Variants in NCALD observed in about 807,000 individuals in gnomAD.
NCALD encodes the protein neurocalcin delta.
Under a neutral mutation model 18.6 loss-of-function variants are expected in NCALD, and 10 were observed. The observed-to-expected ratio is 0.54, with a 90% CI of 0.33 to 0.91. The LOEUF (loss-of-function observed/expected upper bound fraction) is 0.91. NCALD is among the 40% of genes least tolerant of loss of function. The pLI, the probability that NCALD is intolerant of heterozygous loss-of-function variation, is 0.03. For synonymous variants in NCALD, 88 were observed against 87.4 expected (o/e 1.01, Z -0.04); for missense variants, 184 against 247.6 (o/e 0.74, Z 1.72).
chr8:102,053,618 A>G (rs1369483226), intron 1 of NCALD, among the ~76,000 whole-genome samples: 1 of 152,222 alleles, frequency 6.6e-6, no homozygotes, highest in African/African-American at 2.4e-5. Context: ...ATTCAGCTCC[A>G]AAGCTGGCAA....
intron 2 of NCALD, among the ~76,000 whole-genome samples, chr8:101,941,931 C>A (rs1586795031): frequency 1.3e-5 from 2 of 152,196 alleles, no homozygotes; most frequent in East Asian, 3.9e-4. Context: ...TTTTCTTTTT[C>A]TTTTTTCCCC....
At chr8:101,882,980 T>A (rs1774350336) in intron 4 of NCALD, among the ~76,000 whole-genome samples, 1 of 152,266 alleles carries the variant, frequency 6.6e-6, no homozygotes. Flanking sequence ...CTTAAATATG[T>A]ACATTGATTC....
At chr8:101,696,091 C>A (rs1219223476) in intron 2 of NCALD, among the ~76,000 whole-genome samples, 1 of 152,114 alleles carries the variant, frequency 6.6e-6, no homozygotes, top group African/African-American at 2.4e-5. Context: ...CATGCAAACC[C>A]ACCCACCATT....
At chr8:102,113,787 T>G (rs1825703796) in intron 1 of NCALD, among the ~76,000 whole-genome samples, 3 of 152,270 alleles carry the variant, frequency 2.0e-5, no homozygotes, top group Non-Finnish European at 4.4e-5. Flanking sequence ...CCAGTTATGA[T>G]GTGCTACCTA....
At chr8:101,861,596 T>C (rs1815545274) in intron 4 of NCALD, among the ~76,000 whole-genome samples, 1 of 151,796 alleles carries the variant, frequency 6.6e-6, no homozygotes, top group Non-Finnish European at 1.5e-5. Flanking sequence ...ACAAGTGCCC[T>C]ACCTCAAGAA....
chr8:101,757,878 AG>A lies in NCALD; in HGVS notation c.-20+32983del, dbSNP rs141200706. 1.8e-3 allele frequency among the ~76,000 whole-genome samples: 278 copies of A among 152,200 alleles called. 6 individuals carry two copies. In the East Asian group the frequency reaches 0.049, roughly 27 times the overall value. On this transcript the variant is annotated intron_variant, in intron 1 of 3. Coordinates refer to ENST00000220931, the MANE Select transcript of NCALD (RefSeq NM_032041.3). ...TCATTTCCTAACCCAACCATCAGAG[AG>A]GCTATTTTAACAATTTTTTTAGAGC...
intron 4 of NCALD, among the ~76,000 whole-genome samples, chr8:101,824,978 T>A (rs904650279): frequency 2.6e-5 from 4 of 152,218 alleles, no homozygotes; most frequent in Non-Finnish European, 5.9e-5. Flanking sequence ...GGGAATCTTT[T>A]CCATGAGGCA....
At chr8:102,019,853 T>C (rs1822213031) in intron 2 of NCALD, among the ~76,000 whole-genome samples, 1 of 152,176 alleles carries the variant, frequency 6.6e-6, no homozygotes, top group African/African-American at 2.4e-5. Context: ...GAAAAGCATT[T>C]AATAAAATTC....
chr8:101,819,229 C>T (rs1813619417), intron 4 of NCALD, among the ~76,000 whole-genome samples: 4 of 151,506 alleles, frequency 2.6e-5, no homozygotes, highest in Admixed American at 1.3e-4. Context: ...GTCAGCACTA[C>T]ATCACATATA....
intron 1 of NCALD, among the ~76,000 whole-genome samples, chr8:101,752,061 T>C (rs1012392512): frequency 5.9e-5 from 9 of 152,224 alleles, no homozygotes; most frequent in African/African-American, 2.2e-4. Context: ...AAGTTTCCGA[T>C]TTTATTATGC....
chr8:101,784,027 C>G (rs888352207), intron 1 of NCALD, among the ~76,000 whole-genome samples: 1 of 152,152 alleles, frequency 6.6e-6, no homozygotes, highest in Non-Finnish European at 1.5e-5. Context: ...ATTACCCCCC[C>G]ACACCCCAAA....
At chr8:102,045,877 T>C (rs534267080) in intron 1 of NCALD, among the ~76,000 whole-genome samples, 2 of 152,360 alleles carry the variant, frequency 1.3e-5, no homozygotes, top group South Asian at 4.1e-4. Context: ...TTGCATCGCT[T>C]CTGCCAACCA....
At chr8:101,932,647 AATC>A (rs1314534087) in intron 2 of NCALD, among the ~76,000 whole-genome samples, 2 of 152,198 alleles carry the variant, frequency 1.3e-5, no homozygotes, top group Non-Finnish European at 2.9e-5. Context: ...AGCAAGGTCT[AATC>A]ATTCTTCTCT....
intron 3 of NCALD, among the ~76,000 whole-genome samples, chr8:101,908,463 C>T (rs930777771): frequency 2.6e-5 from 4 of 152,180 alleles, no homozygotes; most frequent in African/African-American, 9.7e-5. Context: ...TGGAGAACCA[C>T]AAACCACAAT....
intron 1 of NCALD, among the ~76,000 whole-genome samples, chr8:102,082,205 C>T (rs1407222474): frequency 5.0e-5 from 7 of 139,228 alleles, no homozygotes; most frequent in Admixed American, 3.6e-4. Flanking sequence ...TTTCAATGGG[C>T]AGTTATTTGA....
In NCALD at chr8:101,742,432, G is replaced by A. The variant is rs2130706519; in HGVS notation, c.-19-22784C>T. Among the ~76,000 whole-genome samples, 3 of 152,238 alleles carry A rather than the reference G, an allele frequency of 2.0e-5. No individual in the cohort carries two copies. The South Asian group carries it at 6.2e-4, about 32-fold the overall frequency. The stretch of plus-strand genomic sequence containing the variant: ...ATACAGAGCACTATGCTAATCCTGA[G>A]TCAATTGCTTATTTCTTTAAGAATA... On this transcript the variant is annotated intron_variant, in intron 1 of 3. Coordinates refer to ENST00000220931, the MANE Select transcript of NCALD (RefSeq NM_032041.3).
chr8:101,833,277 G>A (rs998970306), intron 4 of NCALD, among the ~76,000 whole-genome samples: 2 of 152,274 alleles, frequency 1.3e-5, no homozygotes, highest in Middle Eastern at 3.4e-3. Flanking sequence ...TTTCTAGCAA[G>A]CTCTCAGGTG....
chr8:101,921,897 T>C (rs1265081741), intron 2 of NCALD, among the ~76,000 whole-genome samples: 1 of 152,148 alleles, frequency 6.6e-6, no homozygotes, highest in African/African-American at 2.4e-5. Context: ...GTATATTCCT[T>C]CATCTCAAAG....
At chr8:101,837,729 T>C (rs73277018) in intron 4 of NCALD, among the ~76,000 whole-genome samples, 3,035 of 152,286 alleles carry the variant, frequency 0.02, 97 homozygotes, top group African/African-American at 0.066. Context: ...GAAATTACTA[T>C]GGACCTTTAT....
Sources: allele counts gnomAD v4.1 joint callset (sites outside exome capture counted in the v4.1 genomes callset), GRCh38; gene constraint gnomAD v4.1.1; transcripts MANE v1.5; gene names NCBI Gene and HGNC (gene_info 2026-07-23, HGNC 2026-07-21).